Variants in TGFBR3 observed in about 807,000 individuals in gnomAD.
TGFBR3 encodes transforming growth factor beta receptor type 3.
Under a neutral mutation model 87.9 loss-of-function variants are expected in TGFBR3, and 46 were observed. The observed-to-expected ratio is 0.52, with a 90% CI of 0.41 to 0.67. The LOEUF (loss-of-function observed/expected upper bound fraction) is 0.67, where lower values mean the gene tolerates loss of function less well. TGFBR3 is among the 30% of genes least tolerant of loss of function. The pLI is 0.00. For synonymous variants in TGFBR3, 381 were observed against 391.6 expected (o/e 0.97, Z 0.32); for missense variants, 866 against 1,041.9 (o/e 0.83, Z 2.32).
In TGFBR3 at chr1:91,869,968, A is replaced by C. The variant is rs1401712933; in HGVS notation, c.-113-8324T>G. ...ACACTTGTGGAAATCTGAAATGCAT[A>C]ATTATGTAAAGGCTAGCAGGAATAA... On this transcript the variant is annotated intron_variant, in intron 1 of 16. Coordinates refer to ENST00000212355, the MANE Select transcript of TGFBR3 (RefSeq NM_003243.5). 2.6e-5 allele frequency among the ~76,000 whole-genome samples: 4 copies of C among 152,206 alleles called. No homozygotes were observed. The East Asian group carries it at 7.7e-4, about 29-fold the overall frequency.
intron 3 of TGFBR3, among the ~76,000 whole-genome samples, chr1:91,774,164 G>A (rs999520952): frequency 6.7e-6 from 1 of 149,798 alleles, no homozygotes; most frequent in African/African-American, 2.5e-5. Context: ...TTTTTTGAGA[G>A]TCTCACTCTG....
At chr1:91,835,215 C>CT (rs1432567631) in intron 2 of TGFBR3, among the ~76,000 whole-genome samples, 1 of 152,224 alleles carries the variant, frequency 6.6e-6, no homozygotes, top group Non-Finnish European at 1.5e-5. Context: ...GCAAAGTCCT[C>CT]TGAGCTCCCT....
intron 8 of TGFBR3, among the ~76,000 whole-genome samples, chr1:91,720,661 CCTAAGA>C (rs1446497634): frequency 3.3e-5 from 5 of 152,158 alleles, no homozygotes; most frequent in Non-Finnish European, 4.4e-5. Context: ...GCAATGTGCA[CCTAAGA>C]CTGAGAACCA....
chr1:91,881,016 T>C (rs2489187), intron 1 of TGFBR3, among the ~76,000 whole-genome samples: 139,395 of 152,068 alleles, frequency 0.92, 64,584 homozygotes, highest in Non-Finnish European at 0.99. Flanking sequence ...CACAAAAAGA[T>C]GTTTCAAAAT....
At chr1:91,804,888 A>G (rs1204720490) in intron 2 of TGFBR3, among the ~76,000 whole-genome samples, 3 of 152,220 alleles carry the variant, frequency 2.0e-5, no homozygotes. Flanking sequence ...AGTGAGTGAC[A>G]TGCTCTGATG....
rs1417835615 is a variant in TGFBR3, at chr1:91,903,968, G to A, written c.-175+1858C>T. ...GCGGGCAGACTGCCTGAGCTCAGGAGTTCGAGACCAGCCTGGGCAACACAG... is the reference window on the plus strand; with the variant it reads ...GCGGGCAGACTGCCTGAGCTCAGGAATTCGAGACCAGCCTGGGCAACACAG... On this transcript the variant is annotated intron_variant, in intron 1 of 17. Transcript: ENST00000370399. Among the ~76,000 whole-genome samples, 6 of 152,004 alleles carry A rather than the reference G, an allele frequency of 3.9e-5. No individual in the cohort carries two copies. In the East Asian group the frequency reaches 9.6e-4, roughly 24 times the overall value.
upstream of TGFBR3, among the ~76,000 whole-genome samples, chr1:91,890,099 T>C (rs1327665290): frequency 6.6e-6 from 1 of 152,100 alleles, no homozygotes; most frequent in Non-Finnish European, 1.5e-5. Flanking sequence ...TGGTCCAAAG[T>C]GGTTTCTTGG....
chr1:91,826,834 C>G (rs1164255014), intron 2 of TGFBR3, among the ~76,000 whole-genome samples: 4 of 151,646 alleles, frequency 2.6e-5, no homozygotes, highest in Non-Finnish European at 5.9e-5. Flanking sequence ...GCCAGGAGTT[C>G]CACGGGTCTC....
intron 7 of TGFBR3, among the ~76,000 whole-genome samples, chr1:91,724,947 C>A (rs560571597): frequency 2.6e-5 from 4 of 152,150 alleles, no homozygotes; most frequent in Non-Finnish European, 5.9e-5. Flanking sequence ...AAAATGTATT[C>A]TCTAAGAACA....
At chr1:91,885,195 A>T (rs981645562) in intron 1 of TGFBR3, among the ~76,000 whole-genome samples, 1 of 152,214 alleles carries the variant, frequency 6.6e-6, no homozygotes, top group African/African-American at 2.4e-5. Context: ...TGCCAAGGTA[A>T]TTCATGCTTG....
At chr1:91,903,589 A>T (rs1016313401) in intron 1 of TGFBR3, among the ~76,000 whole-genome samples, 2 of 151,794 alleles carry the variant, frequency 1.3e-5, no homozygotes, top group Non-Finnish European at 1.5e-5. Context: ...CTAAAAAAAA[A>T]TTTAAAAATT....
chr1:91,732,299 T>A (rs1672803369), intron 5 of TGFBR3, among the ~76,000 whole-genome samples: 1 of 152,102 alleles, frequency 6.6e-6, no homozygotes, highest in Admixed American at 6.6e-5. Context: ...GGTATATAGA[T>A]GAGAGCAGTT....
chr1:91,694,105 G>A (rs1312115428), intron 16 of TGFBR3, among the ~76,000 whole-genome samples: 1 of 152,034 alleles, frequency 6.6e-6, no homozygotes, highest in Non-Finnish European at 1.5e-5. Context: ...AGGTTCAAGC[G>A]ATCCCCACCT....
At chr1:91,719,082 G>C (rs557731557) in intron 10 of TGFBR3, among the ~76,000 whole-genome samples, 9 of 152,244 alleles carry the variant, frequency 5.9e-5, no homozygotes, top group African/African-American at 1.9e-4. Context: ...AGACGGAAAC[G>C]GGGGGTGAGA....
chr1:91,699,430 G>GTTTT (rs1671545130), intron 14 of TGFBR3, among the ~76,000 whole-genome samples: 2 of 49,822 alleles, frequency 4.0e-5, no homozygotes, highest in Non-Finnish European at 3.8e-5. Flanking sequence ...TCTTTCTTTT[G>GTTTT]CTTTTTTTTT....
intron 3 of TGFBR3, among the ~76,000 whole-genome samples, chr1:91,781,072 T>A (rs1557706964): frequency 6.6e-6 from 1 of 152,170 alleles, no homozygotes; most frequent in African/African-American, 2.4e-5. Flanking sequence ...GCTGTGGTCC[T>A]TGTCCTATAC....
chr1:91,690,336 T>G (rs1042896909), intron 16 of TGFBR3, among the ~76,000 whole-genome samples: 4 of 152,070 alleles, frequency 2.6e-5, no homozygotes, highest in Non-Finnish European at 5.9e-5. Flanking sequence ...AGGAGGAAAC[T>G]GAAGGTTCCA....
chr1:91,728,156 C>T lies in TGFBR3; in HGVS notation c.738-350G>A, dbSNP rs114734464. Among the ~76,000 whole-genome samples, 391 of 152,186 alleles carry T rather than the reference C, an allele frequency of 2.6e-3. 3 individuals are homozygous for T. The highest frequency in any genetic ancestry group is 8.6e-3 in the African/African-American group (357 of 41,516). On this transcript the variant is annotated intron_variant, in intron 6 of 16. Coordinates refer to ENST00000212355, the MANE Select transcript of TGFBR3 (RefSeq NM_003243.5). ...TTGCTTTTTCAACCTTCAACACCTT[C>T]GATGTACAGGATTCCCATTTGGCTA...
At chr1:91,843,427 A>C (rs1677363143) in intron 2 of TGFBR3, among the ~76,000 whole-genome samples, 1 of 152,222 alleles carries the variant, frequency 6.6e-6, no homozygotes, top group Non-Finnish European at 1.5e-5. Context: ...CATCTTGATC[A>C]CAGACTTACA....
Sources: gnomAD v4.1 joint callset for allele counts (sites outside exome capture counted in the v4.1 genomes callset) on GRCh38, gnomAD v4.1.1 for gene constraint, MANE v1.5 for transcripts, NCBI Gene and HGNC (gene_info 2026-07-23, HGNC 2026-07-21) for gene names.